ARHGAP6: variants seen among roughly 807,000 people sequenced by gnomAD.
ARHGAP6 encodes rho GTPase-activating protein 6.
In ARHGAP6, 16 loss-of-function variants were observed where a neutral mutation model predicts 55.7. The observed-to-expected ratio is 0.29, with a 90% CI of 0.19 to 0.44. The LOEUF (loss-of-function observed/expected upper bound fraction) is 0.44. Among genes scored for constraint, ARHGAP6 ranks in the 20% least tolerant of loss-of-function variants. ARHGAP6 has a pLI of 1.00. For synonymous variants in ARHGAP6, 382 were observed against 360.9 expected (o/e 1.06, Z -0.66); for missense variants, 698 against 808.9 (o/e 0.86, Z 1.66).
chrX:11,537,741 T>G (rs753375223), intron 1 of ARHGAP6, among the ~76,000 whole-genome samples: 1 of 111,963 alleles, frequency 8.9e-6, no homozygotes, highest in African/African-American at 3.2e-5. Flanking sequence ...GTTTTATCTA[T>G]TGCTATTTAT....
At chrX:11,275,960 A>G (rs1245445888) in intron 1 of ARHGAP6, among the ~76,000 whole-genome samples, 1 of 111,426 alleles carries the variant, frequency 9.0e-6, no homozygotes. Flanking sequence ...TAAAACACAA[A>G]CAAGTTTACT....
intron 2 of ARHGAP6, among the ~76,000 whole-genome samples, chrX:11,248,166 C>A (rs1320659945): frequency 9.0e-6 from 1 of 111,531 alleles, no homozygotes; most frequent in Non-Finnish European, 1.9e-5. Flanking sequence ...TGCAAGAAGC[C>A]TGGGTCCCTG....
Position 11,665,039 on chromosome X carries a change from C to T in ARHGAP6, c.-211G>A. On this transcript the variant is annotated 5_prime_UTR_variant, in exon 1 of 13. Coordinates refer to ENST00000337414, the MANE Select transcript of ARHGAP6 (RefSeq NM_013427.3). ...CAGGAGCAGCAGATCCATCACCAGC[C>T]TTCTAGGAAAATGGGTCTGGGGACC... 1 of 377,651 alleles carries T rather than the reference C, an allele frequency of 2.6e-6. No homozygotes were observed. The highest frequency in any genetic ancestry group is 4.5e-5 in the East Asian group (1 of 22,039). The allele number at this position is 377,651 out of a possible 1,213,427, so 31.1% of individuals were successfully genotyped here.
chrX:11,620,411 A>G (rs1196431324), intron 1 of ARHGAP6, among the ~76,000 whole-genome samples: 1 of 112,764 alleles, frequency 8.9e-6, no homozygotes, highest in Non-Finnish European at 1.9e-5. Flanking sequence ...AGAATACTGA[A>G]AAGACAATGC....
At chrX:11,371,989 T>C (rs1323995774) in intron 1 of ARHGAP6, among the ~76,000 whole-genome samples, 5 of 112,510 alleles carry the variant, frequency 4.4e-5, no homozygotes, top group South Asian at 3.6e-4. Context: ...AAAAAATATA[T>C]ATTTAAATGG....
At chrX:11,152,964 G>T (rs1266502011) in intron 10 of ARHGAP6, among the ~76,000 whole-genome samples, 1 of 111,901 alleles carries the variant, frequency 8.9e-6, no homozygotes, top group East Asian at 2.8e-4. Context: ...GATTCCAAGG[G>T]GCTGGTGAGT....
At chrX:11,151,898 T>C (rs1272362651) in intron 10 of ARHGAP6, among the ~76,000 whole-genome samples, 1 of 111,843 alleles carries the variant, frequency 8.9e-6, no homozygotes, top group Non-Finnish European at 1.9e-5. Flanking sequence ...GAAGCAAATA[T>C]AGTGTTTGCT....
chrX:11,650,488 C>G (rs1254288706), intron 1 of ARHGAP6, among the ~76,000 whole-genome samples: 1 of 111,446 alleles, frequency 9.0e-6, no homozygotes, highest in African/African-American at 3.3e-5. Flanking sequence ...AAGGCTATTT[C>G]TTGATGAGGA....
intron 1 of ARHGAP6, among the ~76,000 whole-genome samples, chrX:11,433,607 T>C (rs905540808): frequency 3.5e-5 from 4 of 112,695 alleles, no homozygotes; most frequent in Non-Finnish European, 7.5e-5. Context: ...TTCATTCCTC[T>C]GATCATAATC....
At chrX:11,359,006 A>G (rs1478356977) in intron 1 of ARHGAP6, among the ~76,000 whole-genome samples, 2 of 112,486 alleles carry the variant, frequency 1.8e-5, no homozygotes, top group African/African-American at 6.5e-5. Context: ...CCTTAAAAAT[A>G]AATTCAGCTT....
At chrX:11,319,803 T>C (rs752416149) in intron 1 of ARHGAP6, among the ~76,000 whole-genome samples, 46 of 112,409 alleles carry the variant, frequency 4.1e-4, no homozygotes, top group African/African-American at 1.5e-3. Context: ...TCTAACTTGA[T>C]GTATTTACAT....
intron 1 of ARHGAP6, among the ~76,000 whole-genome samples, chrX:11,567,413 G>C (rs185144763): frequency 9.3e-6 from 1 of 108,062 alleles, no homozygotes; most frequent in African/African-American, 3.4e-5. Flanking sequence ...TATTAGCTGG[G>C]CGTGGTGTCA....
intron 1 of ARHGAP6, among the ~76,000 whole-genome samples, chrX:11,584,191 C>CAT (rs1407393092): frequency 9.0e-6 from 1 of 111,664 alleles, no homozygotes; most frequent in Non-Finnish European, 1.9e-5. Flanking sequence ...AAATTGAGAA[C>CAT]ATATAGGAAA....
chrX:11,389,700 T>C (rs1324381252), intron 1 of ARHGAP6, among the ~76,000 whole-genome samples: 1 of 112,659 alleles, frequency 8.9e-6, no homozygotes, highest in African/African-American at 3.2e-5. Flanking sequence ...TACAATTATA[T>C]AAATTTCTTC....
intron 1 of ARHGAP6, among the ~76,000 whole-genome samples, chrX:11,371,519 T>G (rs1321410945): frequency 1.8e-5 from 2 of 112,403 alleles, no homozygotes; most frequent in African/African-American, 6.5e-5. Flanking sequence ...GTGATTTAGT[T>G]TGAAGAATTC....
intron 11 of ARHGAP6, chrX:11,143,160 T>C (rs1261410947): frequency 8.9e-6 from 1 of 112,159 alleles, no homozygotes; most frequent in Non-Finnish European, 1.9e-5. Flanking sequence ...TTACGATTTA[T>C]AGCAGCAGAC....
At chrX:11,217,337 T>C (rs934391731) in intron 2 of ARHGAP6, among the ~76,000 whole-genome samples, 2 of 112,108 alleles carry the variant, frequency 1.8e-5, no homozygotes, top group South Asian at 7.5e-4. Context: ...ACCAACAGTG[T>C]AAAAGCATTC....
At chrX:11,361,887 A>T (rs191752529) in intron 1 of ARHGAP6, among the ~76,000 whole-genome samples, 1 of 112,609 alleles carries the variant, frequency 8.9e-6, no homozygotes, top group African/African-American at 3.2e-5. Flanking sequence ...TTATGCAGCC[A>T]AAAGACACAC....
chrX:11,627,689 A>G (rs2052314507), intron 1 of ARHGAP6, among the ~76,000 whole-genome samples: 1 of 111,979 alleles, frequency 8.9e-6, no homozygotes, highest in African/African-American at 3.2e-5. Flanking sequence ...TGAGCATATT[A>G]TCTAATCTCT....
Sources: allele counts gnomAD v4.1 joint callset (sites outside exome capture counted in the v4.1 genomes callset), GRCh38; gene constraint gnomAD v4.1.1; transcripts MANE v1.5; gene names NCBI Gene and HGNC (gene_info 2026-07-23, HGNC 2026-07-21).